NLRP1: variants seen among roughly 807,000 people sequenced by gnomAD.
The protein encoded by NLRP1 is NLR family pyrin domain containing 1.
A neutral mutation model predicts 136.7 loss-of-function variants in NLRP1; 94 were observed. That is an observed-to-expected ratio of 0.69 (90% CI 0.58 to 0.82). NLRP1 has a LOEUF of 0.82. Among genes scored for constraint, NLRP1 ranks in the 40% least tolerant of loss-of-function variants. The pLI, the probability that NLRP1 is intolerant of heterozygous loss-of-function variation, is 0.00. For synonymous variants in NLRP1, 690 were observed against 725.1 expected, an observed-to-expected ratio of 0.95 and a Z score of 0.78; for missense variants, 1,575 against 1,802.7, an observed-to-expected ratio of 0.87 and a Z score of 2.29.
Position 5,536,878 on chromosome 17 carries a change from T to C in NLRP1, c.2933A>G (p.Lys978Arg), listed in dbSNP as rs779450893. ...RQELRALEQEKPQLLIFSRRK... is the reference protein window; with the variant it reads ...RQELRALEQERPQLLIFSRRK... ...TCTGCTGAAGATGAGCAGCTGAGGTTTCTCCTGCTCCAGGGCCCTCAGTTC... is the reference window on the plus strand; with the variant it reads ...TCTGCTGAAGATGAGCAGCTGAGGTCTCTCCTGCTCCAGGGCCCTCAGTTC... Residue 978 changes from lysine (K) to arginine (R), a missense_variant, in exon 8 of 17, where the codon AAA becomes AGA. Physicochemically the swap from Lys to Arg is conservative, Grantham distance 26 (BLOSUM62 2). Coordinates refer to ENST00000572272, the MANE Select transcript of NLRP1 (RefSeq NM_033004.4). The C allele has an allele frequency of 6.2e-7, 1 of 1,613,436 alleles. No individual in the cohort carries two copies. Among genetic ancestry groups the C allele is most frequent in the Non-Finnish European group, 8.5e-7 (1 of 1,179,400 alleles).
At chr17:5,556,426 C>T (rs1435188304) in intron 4 of NLRP1, among the ~76,000 whole-genome samples, 1 of 150,814 alleles carries the variant, frequency 6.6e-6, no homozygotes, top group Non-Finnish European at 1.5e-5. Flanking sequence ...TGCACTCCAG[C>T]CTAGGGGACA....
intron 12 of NLRP1, among the ~76,000 whole-genome samples, chr17:5,528,126 C>T (rs1188355708): frequency 1.3e-5 from 2 of 152,338 alleles, no homozygotes; most frequent in Non-Finnish European, 2.9e-5. Flanking sequence ...TCTTTTGCTG[C>T]TGGTCATGGG....
At chr17:5,568,633 T>C (rs888859358) in intron 3 of NLRP1, among the ~76,000 whole-genome samples, 1 of 152,174 alleles carries the variant, frequency 6.6e-6, no homozygotes, top group African/African-American at 2.4e-5. Context: ...TGTCTGGGCA[T>C]TGAAGAGTTG....
chr17:5,556,161 C>T (rs59470295), intron 4 of NLRP1, among the ~76,000 whole-genome samples: 10,653 of 118,342 alleles, frequency 0.09, 503 homozygotes, highest in South Asian at 0.23. Flanking sequence ...CACACACACA[C>T]ATGAAGGGCT....
At position 5,539,605 on chromosome 17, in the gene NLRP1, C is replaced by A; in HGVS notation, c.2700-20G>T. 1 of 1,586,338 alleles carries A rather than the reference C, an allele frequency of 6.3e-7. No homozygotes were observed. The highest frequency in any genetic ancestry group is 1.1e-5 in the South Asian group (1 of 87,168). On this transcript the variant is annotated intron_variant, in intron 6 of 16. Coordinates refer to ENST00000572272, the MANE Select transcript of NLRP1 (RefSeq NM_033004.4). ...ACCAGCCTGCAGGAAAGATACACGCCAGCCCAGGTCATTGTCCTAAGGGCT... is the reference window on the plus strand; with the variant it reads ...ACCAGCCTGCAGGAAAGATACACGCAAGCCCAGGTCATTGTCCTAAGGGCT...
intron 3 of NLRP1, among the ~76,000 whole-genome samples, chr17:5,570,588 A>G (rs1034084298): frequency 1.3e-5 from 2 of 152,152 alleles, no homozygotes; most frequent in African/African-American, 4.8e-5. Flanking sequence ...CTAAAATTGA[A>G]TCAGTAATAA....
chr17:5,576,687 A>AGGAGCTG (rs1358566409), intron 3 of NLRP1, among the ~76,000 whole-genome samples: 1 of 152,222 alleles, frequency 6.6e-6, no homozygotes, highest in Non-Finnish European at 1.5e-5. Flanking sequence ...ACGTACAAGG[A>AGGAGCTG]GGAGCTGGTA....
At chr17:5,535,584 T>C (rs36089653) in intron 8 of NLRP1, among the ~76,000 whole-genome samples, 8,514 of 152,298 alleles carry the variant, frequency 0.056, 279 homozygotes, top group Middle Eastern at 0.092. Flanking sequence ...TGGGATAACC[T>C]GTGCCTGTCT....
chr17:5,514,931 CCT>C lies in NLRP1; in HGVS notation c.4243_4244del (p.Arg1415GlyfsTer4). ...GQVLSQEQYERVLAENTRPSQ... is the reference protein window; with the variant it reads ...GQVLSQEQYEXVLAENTRPSQ... ...TGGGCCTCGTGTTCTCAGCCAGCAC[CCT>C]CTCGTACTGCTCCTGGCTCAGCACC... On this transcript the variant is annotated frameshift_variant, in exon 17 of 17. Coordinates refer to ENST00000572272, the MANE Select transcript of NLRP1 (RefSeq NM_033004.4). LOFTEE classifies it low-confidence loss of function (END_TRUNC). 1 of 1,614,198 alleles carries C rather than the reference CCT, an allele frequency of 6.2e-7. No individual in the cohort carries two copies. The highest frequency in any genetic ancestry group is 8.5e-7 in the Non-Finnish European group (1 of 1,180,040).
downstream of NLRP1, among the ~76,000 whole-genome samples, chr17:5,511,259 C>T (rs536857510): frequency 3.3e-5 from 5 of 151,992 alleles, no homozygotes; most frequent in East Asian, 7.7e-4. Flanking sequence ...GGTGAAACCC[C>T]GTCTCTACTA....
intron 12 of NLRP1, among the ~76,000 whole-genome samples, chr17:5,524,048 C>T (rs1254028694): frequency 6.6e-6 from 1 of 152,184 alleles, no homozygotes; most frequent in Non-Finnish European, 1.5e-5. Context: ...CTCAGCCTCC[C>T]GAGTAGCTGG....
rs1908808432 is a variant in NLRP1, at chr17:5,520,890, T to C, written c.3906A>G (p.Ile1302Met). The C allele has an allele frequency of 6.3e-7, 1 of 1,599,848 alleles. No homozygotes were observed. The highest frequency in any genetic ancestry group is 1.3e-5 in the African/African-American group (1 of 74,632). The change falls in exon 14 of 17, where the codon ATA becomes ATG. Residue 1302 changes from isoleucine to methionine, a missense_variant. By Grantham distance (10) the Ile-to-Met change is conservative (BLOSUM62 1). Transcript: ENST00000572272. ...VSGSGSGMLE[I>M]LPKELELCYR... ...ACACTGGGCTGCTCACCTTGGGGAG[T>C]ATTTCCAGCATCCCTGAACCAGACC...
Position 5,541,494 on chromosome 17 carries a change from G to A in NLRP1, c.2699+363C>T, listed in dbSNP as rs77523409. ...TTACTAGGCAGATCACAGCTCGTGG[G>A]AACAGGAGAAGAATAGAAAAACACT... On this transcript the variant is annotated intron_variant, in intron 6 of 16. Coordinates refer to ENST00000572272, the MANE Select transcript of NLRP1 (RefSeq NM_033004.4). This position sits in a 1 kb window ranked among gnomAD's most constrained non-coding sequence, Gnocchi z 4.2. 0.017 allele frequency among the ~76,000 whole-genome samples: 2,646 copies of A among 152,326 alleles called. 141 individuals are homozygous for A. The highest frequency in any genetic ancestry group is 0.16 in the South Asian group (787 of 4,826).
chr17:5,551,617 G>A (rs965262233), intron 5 of NLRP1, among the ~76,000 whole-genome samples: 8 of 152,186 alleles, frequency 5.3e-5, no homozygotes, highest in African/African-American at 1.9e-4. Flanking sequence ...GTATTCCAAA[G>A]GGGCTGTCTC....
At position 5,546,619 on chromosome 17, in the gene NLRP1, A is replaced by C. The variant is rs1912693184; in HGVS notation, c.2529-4592T>G. Among the ~76,000 whole-genome samples, 3 of 152,200 alleles carry C rather than the reference A, an allele frequency of 2.0e-5. No homozygotes were observed. In the South Asian group the frequency reaches 6.2e-4, roughly 31 times the overall value. On this transcript the variant is annotated intron_variant, in intron 5 of 16. Transcript: ENST00000572272. ...GACACCAGCTTATTCAATGCATTTC[A>C]AGATAAATCCAAAAGTGAAATAAGC... is the stretch of plus-strand genomic sequence containing the variant.
At chr17:5,557,426 C>T (rs529871205) in intron 4 of NLRP1, among the ~76,000 whole-genome samples, 32 of 152,254 alleles carry the variant, frequency 2.1e-4, no homozygotes, top group East Asian at 5.8e-4. Context: ...ATTACCCACT[C>T]GTGTGATCAC....
At chr17:5,511,747 T>TC (rs1907645591), downstream of NLRP1, among the ~76,000 whole-genome samples, 1 of 117,174 alleles carries the variant, frequency 8.5e-6, no homozygotes, top group Non-Finnish European at 1.8e-5. Context: ...TCCCTCCCTT[T>TC]CTCTTTTCTT....
rs1914452995 is a variant in NLRP1, at chr17:5,559,220, T to G, written c.1476A>C (p.Arg492Ser). The change falls in exon 4 of 17, where the codon AGA becomes AGC. Residue 492 changes from arginine to serine, a missense_variant. Coordinates refer to ENST00000572272, the MANE Select transcript of NLRP1 (RefSeq NM_033004.4). ...TTGCTTGCCTTTCATCTGTGAAATATCTGTAGAAATATTCCTTCCTGCTGG... is the reference window on the plus strand; with the variant it reads ...TTGCTTGCCTTTCATCTGTGAAATAGCTGTAGAAATATTCCTTCCTGCTGG... ...SESSRKEYFY[R>S]YFTDERQAIR... 6.2e-6 allele frequency: 10 copies of G among 1,614,176 alleles called. No individual in the cohort carries two copies. Among genetic ancestry groups the G allele is most frequent in the Non-Finnish European group, 8.5e-6 (10 of 1,180,026 alleles).
intron 5 of NLRP1, 143 bp from the exon 6 acceptor site, chr17:5,542,170 G>T: frequency 1.5e-6 from 1 of 686,618 alleles, no homozygotes; most frequent in Non-Finnish European, 2.4e-6. Flanking sequence ...CCCCAGAAAT[G>T]CACATGGTAC....
Sources: allele counts gnomAD v4.1 joint callset (sites outside exome capture counted in the v4.1 genomes callset), GRCh38; gene constraint gnomAD v4.1.1; non-coding constraint Gnocchi (gnomAD v3.1); transcripts MANE v1.5; gene names NCBI Gene and HGNC (gene_info 2026-07-23, HGNC 2026-07-21).